The following INTS4 variants were observed in gnomAD, a reference collection of about 807,000 sequenced individuals.
INTS4 encodes MSTP093.
INTS4 carries 70 observed loss-of-function variants against 119.5 expected under a neutral mutation model. The ratio of observed to expected loss-of-function variants is 0.59; its 90% CI spans 0.48 to 0.71. The LOEUF is 0.71. Among genes scored for constraint, INTS4 ranks in the 30% least tolerant of loss-of-function variants. The pLI is 0.00. For missense variants in INTS4, 867 were observed against 1,173.2 expected, an observed-to-expected ratio of 0.74 and a Z score of 3.81; for synonymous variants, 316 against 419.6, an observed-to-expected ratio of 0.75 and a Z score of 3.02.
At chr11:77,938,585 C>T in intron 10 of INTS4, 66 bp downstream of exon 10, 1 of 1,560,844 alleles carries the variant, frequency 6.4e-7, no homozygotes, top group Non-Finnish European at 8.7e-7. Context: ...GTGTATCACC[C>T]AGTATAATGC....
intron 4 of INTS4, among the ~76,000 whole-genome samples, chr11:77,968,218 T>C (rs1398393108): frequency 2.6e-5 from 4 of 152,156 alleles, no homozygotes; most frequent in Non-Finnish European, 4.4e-5. Flanking sequence ...CATGCTGTAA[T>C]TGATATCCTT....
At chr11:77,961,251 G>C (rs971619197) in intron 4 of INTS4, 113 bp from the exon 5 acceptor site, 2 of 1,341,546 alleles carry the variant, frequency 1.5e-6, no homozygotes, top group Middle Eastern at 2.6e-4. Context: ...CAACCTTAGG[G>C]GTGATTTCAA....
chr11:77,891,212 C>T, intron 21 of INTS4, 107 bp downstream of exon 21: 1 of 1,023,802 alleles, frequency 9.8e-7, no homozygotes, highest in Non-Finnish European at 1.4e-6. Flanking sequence ...CATTTCTTCT[C>T]CTGTCCCAGT....
intron 19 of INTS4, 112 bp downstream of exon 19, chr11:77,894,178 G>C (rs1952409090): frequency 3.3e-6 from 2 of 602,168 alleles, no homozygotes; most frequent in Non-Finnish European, 5.9e-6. Flanking sequence ...ATGATAGCTT[G>C]GCTGCACAAG....
intron 14 of INTS4, 79 bp from the exon 15 acceptor site, chr11:77,919,057 C>T (rs1953275056): frequency 2.0e-6 from 3 of 1,468,312 alleles, no homozygotes; most frequent in Admixed American, 1.8e-5. Flanking sequence ...CATAAAAGCA[C>T]ATTAAAAACG....
chr11:77,978,837 A>G, intron 4 of INTS4, 159 bp downstream of exon 4: 1 of 491,594 alleles, frequency 2.0e-6, no homozygotes, highest in South Asian at 2.5e-5. Context: ...TTGTTTTGAA[A>G]GGATGACGAA....
At chr11:77,978,294 G>A (rs1362964532) in intron 4 of INTS4, 1 of 152,092 alleles carries the variant, frequency 6.6e-6, no homozygotes, top group Non-Finnish European at 1.5e-5. Context: ...CTCTGAGATA[G>A]CTTTCTAATT....
At chr11:77,877,593 T>A (rs1209437578), downstream of INTS4, among the ~76,000 whole-genome samples, 2 of 152,134 alleles carry the variant, frequency 1.3e-5, no homozygotes, top group African/African-American at 4.8e-5. Context: ...ACCTTTGGGA[T>A]CTTCTTGGAT....
intron 5 of INTS4, 32 bp from the exon 6 acceptor site, chr11:77,960,423 G>A: frequency 1.4e-6 from 2 of 1,466,728 alleles, no homozygotes; most frequent in Non-Finnish European, 9.5e-7. Context: ...TAAGTGCTTG[G>A]GAGGAAAAGA....
intron 15 of INTS4, among the ~76,000 whole-genome samples, chr11:77,917,385 C>T (rs1482035282): frequency 7.3e-6 from 1 of 136,964 alleles, no homozygotes; most frequent in Non-Finnish European, 1.6e-5. Context: ...GCAATCCTGG[C>T]TCACTGCAAG....
At chr11:77,990,123 G>A (rs1236517163) in intron 2 of INTS4, among the ~76,000 whole-genome samples, 1 of 150,956 alleles carries the variant, frequency 6.6e-6, no homozygotes, top group African/African-American at 2.4e-5. Flanking sequence ...GGAGGCTGAC[G>A]CAGGAGAATC....
Position 77,962,706 on chromosome 11 carries a change from A to T in INTS4, c.472-1568T>A, listed in dbSNP as rs527509801. ...TGATTTACTCTGGTACTTGTATTTT[A>T]TTTTTTTTCAAAAAAAAAAATTACG... On this transcript the variant is annotated intron_variant, in intron 4 of 22. Transcript: ENST00000534064. 2.1e-3 allele frequency among the ~76,000 whole-genome samples: 318 copies of T among 151,552 alleles called. 5 individuals are homozygous for T. Among genetic ancestry groups the T allele is most frequent in the South Asian group, 0.01 (50 of 4,788 alleles).
At chr11:77,920,194 T>TAC (rs879326268) in intron 14 of INTS4, among the ~76,000 whole-genome samples, 15 of 138,802 alleles carry the variant, frequency 1.1e-4, no homozygotes, top group East Asian at 2.0e-4. Flanking sequence ...CACATATATA[T>TAC]ACATATATAT....
rs755540771 is a variant in INTS4, at chr11:77,891,670, T to C, written c.2448+11A>G. Reference sequence around the variant, plus strand: ...ACAGATTTGGCCTACAGGGGCCAAATAGACCCTGACCTGCTCTGGAAGCGG... The same window carrying C: ...ACAGATTTGGCCTACAGGGGCCAAACAGACCCTGACCTGCTCTGGAAGCGG... On this transcript the variant is annotated intron_variant, in intron 20 of 22. Coordinates refer to ENST00000534064, the MANE Select transcript of INTS4 (RefSeq NM_033547.4). The C allele has an allele frequency of 6.2e-6, 10 of 1,611,790 alleles. No homozygotes were observed. The highest frequency in any genetic ancestry group is 2.7e-5 in the African/African-American group (2 of 74,852).
chr11:77,886,033 A>G (rs990578296), intron 21 of INTS4, among the ~76,000 whole-genome samples: 1 of 151,804 alleles, frequency 6.6e-6, no homozygotes, highest in Non-Finnish European at 1.5e-5. Context: ...AGACCCCCCA[A>G]TCTCCACACA....
In INTS4 at chr11:77,958,834, C is replaced by T. The variant is rs762758309; in HGVS notation, c.709G>A (p.Ala237Thr). 3.1e-6 allele frequency: 5 copies of T among 1,587,306 alleles called. No homozygotes were observed. Among genetic ancestry groups the T allele is most frequent in the Non-Finnish European group, 4.3e-6 (5 of 1,158,274 alleles). The change falls in exon 7 of 23, where the codon GCC becomes ACC. Residue 237 changes from alanine (A) to threonine (T), a missense_variant and splice_region_variant. By Grantham distance (58) the Ala-to-Thr change is moderately conservative. Around this residue, in one of 5 missense-constraint regions of INTS4, gnomAD observed 208 missense variants for 306.6 expected, o/e 0.68. Transcript: ENST00000534064. Reference protein sequence around the residue: ...LKLHQTIYNQACKLLSDDYEQ... With the variant: ...LKLHQTIYNQTCKLLSDDYEQ... ...TAGTCATCAGAGAGTAATTTACAGG[C>T]CTGCAAAGAAGAATTCCAAAAGTCT...
intron 8 of INTS4, among the ~76,000 whole-genome samples, chr11:77,949,093 G>C (rs907099023): frequency 7.2e-5 from 11 of 152,020 alleles, no homozygotes; most frequent in African/African-American, 2.2e-4. Flanking sequence ...CTCCAGCCTA[G>C]GCAACAGAGC....
intron 8 of INTS4, among the ~76,000 whole-genome samples, chr11:77,952,621 A>G (rs1321005242): frequency 6.6e-6 from 1 of 152,210 alleles, no homozygotes; most frequent in African/African-American, 2.4e-5. Flanking sequence ...ATTTTTTCTG[A>G]ATACAAACAT....
chr11:77,902,085 C>T (rs1188336889), intron 17 of INTS4, among the ~76,000 whole-genome samples: 1 of 152,178 alleles, frequency 6.6e-6, no homozygotes, highest in Non-Finnish European at 1.5e-5. Flanking sequence ...TCCAAATAAG[C>T]GATTTTCATC....
Sources: allele counts gnomAD v4.1 joint callset (sites outside exome capture counted in the v4.1 genomes callset), GRCh38; gene constraint gnomAD v4.1.1; regional missense constraint gnomAD v4.1.1; transcripts MANE v1.5; gene names NCBI Gene and HGNC (gene_info 2026-07-23, HGNC 2026-07-21).